The following GOLGB1 variants were observed in gnomAD, a reference collection of about 807,000 sequenced individuals.
The protein encoded by GOLGB1 is golgin subfamily B member 1.
In GOLGB1, 174 loss-of-function variants were observed where a neutral mutation model predicts 336.9. The ratio of observed to expected loss-of-function variants is 0.52; its 90% CI spans 0.46 to 0.59. The LOEUF is 0.59. Among genes scored for constraint, GOLGB1 ranks in the 20% least tolerant of loss-of-function variants. GOLGB1 has a pLI of 0.00. For synonymous variants in GOLGB1, 1,208 were observed against 1,289.2 expected (o/e 0.94, Z 1.35); for missense variants, 3,331 against 3,645.3 (o/e 0.91, Z 2.22).
Position 121,695,535 on chromosome 3 carries a change from T to C in GOLGB1, c.4988A>G (p.Lys1663Arg), listed in dbSNP as rs1560230519. 3 of 1,614,104 alleles carry C rather than the reference T, an allele frequency of 1.9e-6. No homozygotes were observed. Among genetic ancestry groups the C allele is most frequent in the Non-Finnish European group, 2.5e-6 (3 of 1,180,002 alleles). Residue 1663 changes from lysine to arginine, a missense_variant, in exon 13 of 22, where the codon AAG (lysine) becomes AGG (arginine). By Grantham distance (26) the Lys-to-Arg change is conservative. Coordinates refer to ENST00000614479, the MANE Select transcript of GOLGB1 (RefSeq NM_001366282.2). ...TTCCTGCAACTGCTTTTCTGTCTCCTTCTTGTTTGCCTCTGTGCTTCTTAA... is the reference window on the plus strand; with the variant it reads ...TTCCTGCAACTGCTTTTCTGTCTCCCTCTTGTTTGCCTCTGTGCTTCTTAA... ...GKLRSTEANKKETEKQLQEAE... is the reference protein window; with the variant it reads ...GKLRSTEANKRETEKQLQEAE...
chr3:121,720,492 T>C (rs924165965), intron 6 of GOLGB1, among the ~76,000 whole-genome samples: 2 of 152,260 alleles, frequency 1.3e-5, no homozygotes, highest in Non-Finnish European at 2.9e-5. Context: ...ATTCATCTCC[T>C]TAAGATCTAT....
chr3:121,748,406 G>A (rs1307356894), intron 1 of GOLGB1, among the ~76,000 whole-genome samples: 1 of 152,154 alleles, frequency 6.6e-6, no homozygotes. Flanking sequence ...CAATTAAAAG[G>A]TTTGGAAGCT....
intron 10 of GOLGB1, among the ~76,000 whole-genome samples, chr3:121,712,945 C>T (rs933043186): frequency 6.6e-6 from 1 of 152,006 alleles, no homozygotes; most frequent in African/African-American, 2.4e-5. Flanking sequence ...GGGCGGATCA[C>T]GAGGTCAGGA....
intron 1 of GOLGB1, among the ~76,000 whole-genome samples, chr3:121,736,969 T>C (rs1255685527): frequency 6.6e-6 from 1 of 152,120 alleles, no homozygotes; most frequent in East Asian, 1.9e-4. Flanking sequence ...AATAAGGACA[T>C]TACTGGAAAA....
At chr3:121,673,545 C>T (rs1234621125) in intron 17 of GOLGB1, among the ~76,000 whole-genome samples, 2 of 152,134 alleles carry the variant, frequency 1.3e-5, no homozygotes, top group African/African-American at 4.8e-5. Flanking sequence ...ATTAATTCTT[C>T]TAATCCATGA....
intron 13 of GOLGB1, among the ~76,000 whole-genome samples, chr3:121,692,908 C>A (rs780922830): frequency 6.6e-6 from 1 of 152,074 alleles, no homozygotes; most frequent in Non-Finnish European, 1.5e-5. Context: ...GACAAGCTAA[C>A]GTTTGGCTTC....
Position 121,716,893 on chromosome 3 carries a change from C to T in GOLGB1, c.1132G>A (p.Glu378Lys). ...ATATGAGAGGTCTTCTCTTCCATTT[C>T]TGCTTTGTGCTTCTGCTCCAAAGCA... Reference protein sequence around the residue: ...YSALEQKHKAEMEEKTSHILS... With the variant: ...YSALEQKHKAKMEEKTSHILS... Residue 378 changes from glutamate to lysine, a missense_variant, in exon 9 of 22, where the codon GAA becomes AAA. Glu to Lys is a moderately conservative substitution (Grantham distance 56). Transcript: ENST00000614479. 1 of 1,614,076 alleles carries T rather than the reference C, an allele frequency of 6.2e-7. No homozygotes were observed. Among genetic ancestry groups the T allele is most frequent in the Non-Finnish European group, 8.5e-7 (1 of 1,179,950 alleles).
rs766793333 is a variant in GOLGB1, at chr3:121,696,244, G to A, written c.4279C>T (p.Leu1427Phe). 6.2e-7 allele frequency: 1 copy of A among 1,614,026 alleles called. No homozygotes were observed. The highest frequency in any genetic ancestry group is 1.3e-5 in the African/African-American group (1 of 75,024). Residue 1427 changes from leucine (L) to phenylalanine (F), a missense_variant, in exon 13 of 22, where the codon CTC becomes TTC. Leu to Phe is a conservative substitution (Grantham distance 22, BLOSUM62 0). Coordinates refer to ENST00000614479, the MANE Select transcript of GOLGB1 (RefSeq NM_001366282.2). ...ATTATCTCTGTCTGTATTTTAGTGA[G>A]AGCTGCTTCTTTCTCACTAAGTTGT... The part of the protein sequence containing the change: ...SGQLSEKEAA[L>F]TKIQTEIIEQ...
At position 121,696,002 on chromosome 3, in the gene GOLGB1, G is replaced by A; in HGVS notation, c.4521C>T (p.Leu1507=). The change falls in exon 13 of 22, where the codon CTC becomes CTT. Residue 1507 remains leucine (L), a synonymous_variant. Coordinates refer to ENST00000614479, the MANE Select transcript of GOLGB1 (RefSeq NM_001366282.2). ...RKEALKENKS[L]QEELSLARGT... The stretch of plus-strand genomic sequence containing the variant: ...CTCTGGCCAAAGACAATTCCTCTTG[G>A]AGACTTTTGTTTTCTTTTAGTGCTT... The A allele has an allele frequency of 1.2e-6, 2 of 1,614,070 alleles. No individual in the cohort carries two copies. The highest frequency in any genetic ancestry group is 1.7e-6 in the Non-Finnish European group (2 of 1,179,988).
chr3:121,694,002 T>G lies in GOLGB1; in HGVS notation c.6521A>C (p.Lys2174Thr). ...IGEIQVTLNK[K>T]DKEVQQLQEN... Reference sequence around the variant, plus strand: ...CTGAAGTTGCTGAACTTCCTTGTCTTTCTTGTTCAAAGTAACCTGAATCTC... The same window carrying G: ...CTGAAGTTGCTGAACTTCCTTGTCTGTCTTGTTCAAAGTAACCTGAATCTC... The change falls in exon 13 of 22, where the codon AAA becomes ACA. Residue 2174 changes from lysine to threonine, a missense_variant. Coordinates refer to ENST00000614479, the MANE Select transcript of GOLGB1 (RefSeq NM_001366282.2). The G allele has an allele frequency of 6.2e-7, 1 of 1,614,178 alleles. No homozygotes were observed. Among genetic ancestry groups the G allele is most frequent in the Non-Finnish European group, 8.5e-7 (1 of 1,180,028 alleles).
Position 121,665,031 on chromosome 3 carries a change from C to T in GOLGB1, c.9555G>A (p.Arg3185=). The T allele has an allele frequency of 1.9e-6, 3 of 1,580,984 alleles. No homozygotes were observed. The highest frequency in any genetic ancestry group is 2.6e-6 in the Non-Finnish European group (3 of 1,149,914). Residue 3185 remains arginine (R), a splice_region_variant and synonymous_variant, in exon 21 of 22, where the codon CGG becomes CGA. Transcript: ENST00000614479. ...ALSVAEEQIR[R]LEHSEWDSSR... ...AAGAGTCCCATTCACTGTGCTCTAA[C>T]CTGAGTTGAGAAAAAAAAGAGGCAT... is the stretch of plus-strand genomic sequence containing the variant.
At chr3:121,689,018 G>A (rs1207175204) in intron 14 of GOLGB1, among the ~76,000 whole-genome samples, 2 of 151,056 alleles carry the variant, frequency 1.3e-5, no homozygotes, top group Non-Finnish European at 3.0e-5. Flanking sequence ...GGGAGGTGGG[G>A]GGGTCAGCCC....
chr3:121,666,944 T>C (rs1938709258), intron 20 of GOLGB1, among the ~76,000 whole-genome samples: 1 of 152,232 alleles, frequency 6.6e-6, no homozygotes, highest in African/African-American at 2.4e-5. Flanking sequence ...TCCAATACTC[T>C]TGTTTGGCAA....
chr3:121,697,060 G>C lies in GOLGB1; in HGVS notation c.3463C>G (p.Pro1155Ala), dbSNP rs1943011500. ...LVKETVVISPPCTGSSEHWKP... is the reference protein window; with the variant it reads ...LVKETVVISPACTGSSEHWKP... ...CAGTGTTCACTACTACCTGTACAAG[G>C]TGGACTTATCACCACTGTTTCCTTT... Residue 1155 changes from proline (P) to alanine (A), a missense_variant, in exon 13 of 22, where the codon CCT becomes GCT. Pro to Ala is a conservative substitution (Grantham distance 27). Coordinates refer to ENST00000614479, the MANE Select transcript of GOLGB1 (RefSeq NM_001366282.2). The C allele has an allele frequency of 6.2e-7, 1 of 1,613,822 alleles. No individual in the cohort carries two copies. Among genetic ancestry groups the C allele is most frequent in the Admixed American group, 1.7e-5 (1 of 59,990 alleles).
At chr3:121,716,126 A>G (rs566476977) in intron 9 of GOLGB1, among the ~76,000 whole-genome samples, 29 of 152,328 alleles carry the variant, frequency 1.9e-4, no homozygotes, top group African/African-American at 7.0e-4. Flanking sequence ...AATTTGGGGA[A>G]GAGGATTGGT....
At chr3:121,748,140 C>A (rs1037780901) in intron 1 of GOLGB1, among the ~76,000 whole-genome samples, 2 of 152,062 alleles carry the variant, frequency 1.3e-5, no homozygotes, top group Non-Finnish European at 2.9e-5. Context: ...AAGGCTGCAT[C>A]CCAGAGTCTG....
chr3:121,692,565 G>C lies in GOLGB1; in HGVS notation c.6799C>G (p.Gln2267Glu). 6.3e-7 allele frequency: 1 copy of C among 1,579,114 alleles called. No homozygotes were observed. ...GTCTGGGCCTTGGACTCCCAAATCTGCTTGTCATGTTCAAGCCTGAAACAG... is the reference window on the plus strand; with the variant it reads ...GTCTGGGCCTTGGACTCCCAAATCTCCTTGTCATGTTCAAGCCTGAAACAG... The part of the protein sequence containing the change: ...INISRLEHDK[Q>E]IWESKAQTEV... The change falls in exon 14 of 22, where the codon CAG (glutamine) becomes GAG (glutamate). Residue 2267 changes from glutamine (Q) to glutamate (E), a missense_variant. Physicochemically the swap from Gln to Glu is conservative, Grantham distance 29. Transcript: ENST00000614479.
intron 17 of GOLGB1, among the ~76,000 whole-genome samples, chr3:121,670,363 G>A (rs1939320388): frequency 6.6e-6 from 1 of 152,156 alleles, no homozygotes; most frequent in African/African-American, 2.4e-5. Context: ...AAAAAAAGTT[G>A]AAACAAACAA....
intron 14 of GOLGB1, among the ~76,000 whole-genome samples, chr3:121,686,885 G>A (rs1941793701): frequency 6.6e-6 from 1 of 152,152 alleles, no homozygotes; most frequent in Non-Finnish European, 1.5e-5. Context: ...GGAAGTACCA[G>A]GTGTGATTAT....
Sources: allele counts gnomAD v4.1 joint callset (sites outside exome capture counted in the v4.1 genomes callset), GRCh38; gene constraint gnomAD v4.1.1; transcripts MANE v1.5; gene names NCBI Gene and HGNC (gene_info 2026-07-23, HGNC 2026-07-21).